Variants in LSM14A observed in about 807,000 individuals in gnomAD.
LSM14A encodes the protein LSM14A mRNA processing body assembly factor.
LSM14A carries 14 observed loss-of-function variants against 52.4 expected under a neutral mutation model. The ratio of observed to expected loss-of-function variants is 0.27; its 90% CI spans 0.18 to 0.42. The LOEUF is 0.42. LSM14A is among the 10% of genes least tolerant of loss of function. The pLI, the probability that LSM14A is intolerant of heterozygous loss-of-function variation, is 1.00. For missense variants in LSM14A, 417 were observed against 581.8 expected, an observed-to-expected ratio of 0.72 and a Z score of 2.91; for synonymous variants, 185 against 200.3, an observed-to-expected ratio of 0.92 and a Z score of 0.64.
At position 34,223,692 on chromosome 19, in the gene LSM14A, C is replaced by T. The variant is rs1303135714; in HGVS notation, c.1368+1954C>T. ...CTCTTTACCCCACTTTAAGGCAGAT[C>T]AGCTACATTTTGAACAACCTGTGAC... On this transcript the variant is annotated intron_variant, in intron 9 of 9. Transcript: ENST00000544216. 2.6e-5 allele frequency among the ~76,000 whole-genome samples: 4 copies of T among 152,242 alleles called. No homozygotes were observed. In the East Asian group the frequency reaches 7.7e-4, roughly 29 times the overall value.
At position 34,172,518 on chromosome 19, in the gene LSM14A, C is replaced by G. The variant is rs1162764132; in HGVS notation, c.-125C>G. Reference sequence around the variant, plus strand: ...TGGGGGAGGGTAGCGGAGCCGGCGCCGCCGCCATGTTGGGTCTGAAGCGGC... The same window carrying G: ...TGGGGGAGGGTAGCGGAGCCGGCGCGGCCGCCATGTTGGGTCTGAAGCGGC... On this transcript the variant is annotated 5_prime_UTR_variant, in exon 1 of 10. Transcript: ENST00000544216. The G allele has an allele frequency of 8.9e-7, 1 of 1,123,556 alleles. No homozygotes were observed. Among genetic ancestry groups the G allele is most frequent in the African/African-American group, 1.6e-5 (1 of 61,092 alleles). 69.6% of individuals were successfully genotyped at this position (1,123,556 alleles called of 1,614,324 possible). A position where few individuals can be genotyped will look rare whatever the true frequency, so the allele number is the denominator to read the frequency against.
chr19:34,179,733 C>T (rs900571149), intron 1 of LSM14A, among the ~76,000 whole-genome samples: 2 of 152,084 alleles, frequency 1.3e-5, no homozygotes, highest in African/African-American at 4.8e-5. Context: ...CTTATCTGTG[C>T]ATGATACATA....
intron 3 of LSM14A, chr19:34,208,140 G>C (rs1483407691): frequency 6.6e-6 from 1 of 152,204 alleles, no homozygotes; most frequent in Non-Finnish European, 1.5e-5. Context: ...GAAGCCACCA[G>C]AAGGTCTAAA....
rs147984067 is a variant in LSM14A, at chr19:34,193,304, A to G, written c.122-1174A>G. On this transcript the variant is annotated intron_variant, in intron 1 of 9. Coordinates refer to ENST00000544216, the MANE Select transcript of LSM14A (RefSeq NM_015578.4). Reference sequence around the variant, plus strand: ...ATAGCTGGGACTACAGGCATGCACTACCACACCTGGCTAATTTTTAAAAAT... The same window carrying G: ...ATAGCTGGGACTACAGGCATGCACTGCCACACCTGGCTAATTTTTAAAAAT... Among the ~76,000 whole-genome samples, 632 of 151,538 alleles carry G rather than the reference A, an allele frequency of 4.2e-3. 6 individuals are homozygous for G. The highest frequency in any genetic ancestry group is 0.015 in the African/African-American group (597 of 41,156).
At chr19:34,175,214 T>C (rs1425496967) in intron 1 of LSM14A, among the ~76,000 whole-genome samples, 1 of 152,052 alleles carries the variant, frequency 6.6e-6, no homozygotes, top group African/African-American at 2.4e-5. Context: ...CACATCATTA[T>C]ATGCTTTTTC....
At chr19:34,196,569 A>T in intron 2 of LSM14A, 65 bp from the exon 3 acceptor site, 1 of 1,390,312 alleles carries the variant, frequency 7.2e-7, no homozygotes, top group Non-Finnish European at 9.6e-7. Flanking sequence ...AAAATCTGGA[A>T]TTTTTTTTTT....
At chr19:34,192,264 C>A (rs915993050) in intron 1 of LSM14A, among the ~76,000 whole-genome samples, 1 of 144,022 alleles carries the variant, frequency 6.9e-6, no homozygotes, top group South Asian at 2.2e-4. Flanking sequence ...CTAGAAAGAA[C>A]TTTTAGAATA....
At chr19:34,202,167 T>TTTTTGTTTTGTTTTG in intron 3 of LSM14A, among the ~76,000 whole-genome samples, 1 of 147,894 alleles carries the variant, frequency 6.8e-6, no homozygotes, top group East Asian at 2.0e-4. Context: ...GTTGGTTTGG[T>TTTTTGTTTTGTTTTG]TTTTGTTTTG....
intron 1 of LSM14A, among the ~76,000 whole-genome samples, chr19:34,191,038 A>C (rs1452325123): frequency 6.6e-6 from 1 of 152,066 alleles, no homozygotes; most frequent in Admixed American, 6.6e-5. Flanking sequence ...GGATCTTCAT[A>C]ACTATCATCT....
At chr19:34,203,185 A>C (rs1182349621) in intron 3 of LSM14A, among the ~76,000 whole-genome samples, 1 of 147,170 alleles carries the variant, frequency 6.8e-6, no homozygotes, top group East Asian at 1.9e-4. Context: ...ATCTAAAGTA[A>C]TTCTATAGCA....
At chr19:34,204,218 T>C (rs145534435) in intron 3 of LSM14A, among the ~76,000 whole-genome samples, 248 of 152,258 alleles carry the variant, frequency 1.6e-3, no homozygotes, top group Non-Finnish European at 2.7e-3. Flanking sequence ...CTCAACAATA[T>C]AGACCAAATG....
intron 1 of LSM14A, among the ~76,000 whole-genome samples, chr19:34,189,901 C>G (rs1318424029): frequency 4.6e-5 from 7 of 152,068 alleles, no homozygotes; most frequent in African/African-American, 1.4e-4. Flanking sequence ...GTAAAGGTGA[C>G]CAGAAGTGGT....
At chr19:34,212,861 T>C (rs2145811339) in intron 4 of LSM14A, among the ~76,000 whole-genome samples, 1 of 152,344 alleles carries the variant, frequency 6.6e-6, no homozygotes, top group Non-Finnish European at 1.5e-5. Context: ...CTTGTACTTC[T>C]GTAGTACTTG....
chr19:34,219,370 A>C (rs1313716676), intron 6 of LSM14A, 21 bp from the exon 7 acceptor site: 8 of 1,575,476 alleles, frequency 5.1e-6, no homozygotes, highest in Non-Finnish European at 6.9e-6. Flanking sequence ...TGTCCTTTGT[A>C]TATATTCTTT....
At chr19:34,173,146 C>T (rs1298312793) in intron 1 of LSM14A, among the ~76,000 whole-genome samples, 1 of 152,250 alleles carries the variant, frequency 6.6e-6, no homozygotes, top group Non-Finnish European at 1.5e-5. Flanking sequence ...TTGAGTTCAT[C>T]GCGGATGCGT....
At chr19:34,208,655 AT>A (rs1270898731) in intron 3 of LSM14A, 8 of 254,546 alleles carry the variant, frequency 3.1e-5, no homozygotes, top group Non-Finnish European at 5.2e-5. Context: ...TCCCATCTGC[AT>A]AACTGCCTAG....
intron 1 of LSM14A, among the ~76,000 whole-genome samples, chr19:34,189,501 T>C (rs2070189978): frequency 6.6e-6 from 1 of 152,212 alleles, no homozygotes; most frequent in Admixed American, 6.5e-5. Context: ...ACGGCACCTA[T>C]GTTCAGCTTA....
intron 4 of LSM14A, among the ~76,000 whole-genome samples, chr19:34,212,689 A>G (rs2072258108): frequency 6.6e-6 from 1 of 152,168 alleles, no homozygotes; most frequent in Non-Finnish European, 1.5e-5. Flanking sequence ...TGCAGAAATC[A>G]CTTCTGGATT....
chr19:34,173,075 G>A (rs556735220), intron 1 of LSM14A, among the ~76,000 whole-genome samples: 1 of 152,366 alleles, frequency 6.6e-6, no homozygotes, highest in Admixed American at 6.5e-5. Flanking sequence ...CCGAAATTCG[G>A]GGCTTCTGCC....
Sources: gnomAD v4.1 joint callset for allele counts (sites outside exome capture counted in the v4.1 genomes callset) on GRCh38, gnomAD v4.1.1 for gene constraint, MANE v1.5 for transcripts, NCBI Gene and HGNC (gene_info 2026-07-23, HGNC 2026-07-21) for gene names.